Variants in B3GNT4 observed in about 807,000 individuals in gnomAD.
B3GNT4 encodes the protein UDP-GlcNAc:betaGal beta-1,3-N-acetylglucosaminyltransferase 4.
In B3GNT4, 2 loss-of-function variants were observed where a neutral mutation model predicts 2.7. The observed-to-expected ratio is 0.73, with a 90% CI of 0.30 to 2.31. The LOEUF (loss-of-function observed/expected upper bound fraction) is 2.31, where lower values mean the gene tolerates loss of function less well. B3GNT4 is among the 30% of genes most tolerant of loss of function. The pLI is 0.12. For synonymous variants in B3GNT4, 280 were observed against 203.4 expected, an observed-to-expected ratio of 1.38 and a Z score of -3.20; for missense variants, 708 against 490.9, an observed-to-expected ratio of 1.44 and a Z score of -4.18.
In B3GNT4 at chr12:122,206,442, C is replaced by G; in HGVS notation, c.191C>G (p.Pro64Arg). ...GCAGGAGACCCCACGGCCCACCAGCCTTTCTGGGCTCCCCCAACACCCCGT... is the reference window on the plus strand; with the variant it reads ...GCAGGAGACCCCACGGCCCACCAGCGTTTCTGGGCTCCCCCAACACCCCGT... ...KPAGDPTAHQPFWAPPTPRHS... is the reference protein window; with the variant it reads ...KPAGDPTAHQRFWAPPTPRHS... The change falls in exon 3 of 3, where the codon CCT (proline) becomes CGT (arginine). Residue 64 changes from proline to arginine, a missense_variant. Transcript: ENST00000324189. The G allele has an allele frequency of 6.2e-7, 1 of 1,614,148 alleles. No individual in the cohort carries two copies. The highest frequency in any genetic ancestry group is 8.5e-7 in the Non-Finnish European group (1 of 1,180,010).
Position 122,207,346 on chromosome 12 carries a change from T to C in B3GNT4, c.1095T>C (p.Asp365=), listed in dbSNP as rs1276792509. The C allele has an allele frequency of 6.2e-7, 1 of 1,602,378 alleles. No individual in the cohort carries two copies. ...EMWTMWALVT[D]EGLKCAAGPI... The stretch of plus-strand genomic sequence containing the variant: ...GGACCATGTGGGCACTGGTGACAGA[T>C]GAGGGGCTCAAGTGTGCAGCTGGCC... The change falls in exon 3 of 3, where the codon GAT becomes GAC. Residue 365 remains aspartate (D), a synonymous_variant. Coordinates refer to ENST00000324189, the MANE Select transcript of B3GNT4 (RefSeq NM_030765.4).
chr12:122,208,352 T>G lies in B3GNT4; in HGVS notation c.*964T>G. ...ATCTGCCCCTGCTTTCCCCACTGAG[T>G]GGGGAGACAGGGCAGTGTGCTCAGG... On this transcript the variant is annotated 3_prime_UTR_variant, in exon 3 of 3. Coordinates refer to ENST00000324189, the MANE Select transcript of B3GNT4 (RefSeq NM_030765.4). 2 of 1,609,762 alleles carry G rather than the reference T, an allele frequency of 1.2e-6. No individual in the cohort carries two copies. Among genetic ancestry groups the G allele is most frequent in the South Asian group, 1.1e-5 (1 of 90,968 alleles).
chr12:122,208,247 G>T lies in B3GNT4; in HGVS notation c.*859G>T. Reference sequence around the variant, plus strand: ...GGAGGCACTCACAGCTCACAAAGGCGTCTCGCCTGATTGGCCAGGGCAGGA... The same window carrying T: ...GGAGGCACTCACAGCTCACAAAGGCTTCTCGCCTGATTGGCCAGGGCAGGA... On this transcript the variant is annotated 3_prime_UTR_variant, in exon 3 of 3. Transcript: ENST00000324189. 1.9e-6 allele frequency: 2 copies of T among 1,048,750 alleles called. No homozygotes were observed. The highest frequency in any genetic ancestry group is 2.9e-6 in the Non-Finnish European group (2 of 697,912). The allele number at this position is 1,048,750 out of a possible 1,614,324, so 65.0% of individuals were successfully genotyped here.
chr12:122,208,573 T>C lies in B3GNT4; in HGVS notation c.*1185T>C, dbSNP rs1953995239. 6.2e-7 allele frequency: 1 copy of C among 1,612,270 alleles called. No homozygotes were observed. The highest frequency in any genetic ancestry group is 8.5e-7 in the Non-Finnish European group (1 of 1,180,006). On this transcript the variant is annotated 3_prime_UTR_variant, in exon 3 of 3. Transcript: ENST00000324189. Reference sequence around the variant, plus strand: ...TCCTGGCGGTTATAGAGGCCTGATCTGCGCCTGCCAAAAGATGGGACAATC... The same window carrying C: ...TCCTGGCGGTTATAGAGGCCTGATCCGCGCCTGCCAAAAGATGGGACAATC...
Position 122,203,717 on chromosome 12 carries a change from G to C in B3GNT4, c.-182G>C. On this transcript the variant is annotated 5_prime_UTR_variant, in exon 1 of 3. Coordinates refer to ENST00000324189, the MANE Select transcript of B3GNT4 (RefSeq NM_030765.4). ...CTCCAGAAGCCCCGCCCACTCCCGA[G>C]CCCCGAGAGCTCCGCGCACCTGGGC... The C allele has an allele frequency of 3.4e-6, 1 of 294,244 alleles. No homozygotes were observed. Among genetic ancestry groups the C allele is most frequent in the Non-Finnish European group, 6.2e-6 (1 of 160,788 alleles). 18.2% of individuals were successfully genotyped at this position (294,244 alleles called of 1,614,324 possible). A position where few individuals can be genotyped will look rare whatever the true frequency, so the allele number is the denominator to read the frequency against.
chr12:122,207,058 C>T lies in B3GNT4; in HGVS notation c.807C>T (p.Ala269=), dbSNP rs947010499. 7 of 1,613,800 alleles carry T rather than the reference C, an allele frequency of 4.3e-6. No homozygotes were observed. Among genetic ancestry groups the T allele is most frequent in the Non-Finnish European group, 5.9e-6 (7 of 1,179,930 alleles). ...KYFIPPSMYR[A]THYPPYAGGG... ...TCATCCCACCCTCAATGTACAGGGC[C>T]ACCCACTACCCACCCTATGCTGGTG... The change falls in exon 3 of 3, where the codon GCC becomes GCT. Residue 269 remains alanine (A), a synonymous_variant. Coordinates refer to ENST00000324189, the MANE Select transcript of B3GNT4 (RefSeq NM_030765.4).
chr12:122,208,267 G>T lies in B3GNT4; in HGVS notation c.*879G>T. The T allele has an allele frequency of 7.8e-7, 1 of 1,276,252 alleles. No individual in the cohort carries two copies. The highest frequency in any genetic ancestry group is 1.1e-6 in the Non-Finnish European group (1 of 894,784). 79.1% of individuals were successfully genotyped at this position (1,276,252 alleles called of 1,614,324 possible). A position where few individuals can be genotyped will look rare whatever the true frequency, so the allele number is the denominator to read the frequency against. On this transcript the variant is annotated 3_prime_UTR_variant, in exon 3 of 3. Coordinates refer to ENST00000324189, the MANE Select transcript of B3GNT4 (RefSeq NM_030765.4). ...AAGGCGTCTCGCCTGATTGGCCAGG[G>T]CAGGATCTGCCGCCTCTTCTCGGTG...
chr12:122,208,914 CAA>C lies in B3GNT4; in HGVS notation c.*1528_*1529del, dbSNP rs1032269722. 5 of 388,596 alleles carry C rather than the reference CAA, an allele frequency of 1.3e-5. No individual in the cohort carries two copies. Among genetic ancestry groups the C allele is most frequent in the Middle Eastern group, 1.4e-3 (2 of 1,388 alleles). The allele number at this position is 388,596 out of a possible 1,614,324, so 24.1% of individuals were successfully genotyped here. ...CTACACATCTTCCATTTCTTTTTGA[CAA>C]AGAGATCATGAATAAAATTGTCAAA... On this transcript the variant is annotated 3_prime_UTR_variant, in exon 3 of 3. Transcript: ENST00000324189.
chr12:122,208,798 G>A lies in B3GNT4; in HGVS notation c.*1410G>A, dbSNP rs1378524404. 1 of 654,208 alleles carries A rather than the reference G, an allele frequency of 1.5e-6. No homozygotes were observed. The highest frequency in any genetic ancestry group is 2.8e-6 in the Non-Finnish European group (1 of 354,622). 40.5% of individuals were successfully genotyped at this position (654,208 alleles called of 1,614,324 possible). On this transcript the variant is annotated 3_prime_UTR_variant, in exon 3 of 3. Coordinates refer to ENST00000324189, the MANE Select transcript of B3GNT4 (RefSeq NM_030765.4). ...AAACAGCATTTTTCTTCAGCTGTCA[G>A]CGGCCAACATCACAATTATTAAATG... is the stretch of plus-strand genomic sequence containing the variant.
rs1313251652 is a variant in B3GNT4 at position 122,208,472 on chromosome 12, T to G, written c.*1084T>G. Reference sequence around the variant, plus strand: ...CTGACGGAGCTCTTCTATCTGTGCTTCTGCCAGCTTGGTTTCTGCTTTCCG... The same window carrying G: ...CTGACGGAGCTCTTCTATCTGTGCTGCTGCCAGCTTGGTTTCTGCTTTCCG... On this transcript the variant is annotated 3_prime_UTR_variant, in exon 3 of 3. Transcript: ENST00000324189. The G allele has an allele frequency of 1.2e-6, 2 of 1,614,192 alleles. No individual in the cohort carries two copies. Among genetic ancestry groups the G allele is most frequent in the East Asian group, 4.5e-5 (2 of 44,886 alleles).
intron 2 of B3GNT4, chr12:122,205,271 C>T (rs1254005697): frequency 6.5e-6 from 1 of 153,290 alleles, no homozygotes; most frequent in African/African-American, 2.4e-5. Context: ...GATCCGTCCT[C>T]CGCGTCAGCC....
chr12:122,208,579 T>A lies in B3GNT4; in HGVS notation c.*1191T>A. On this transcript the variant is annotated 3_prime_UTR_variant, in exon 3 of 3. Coordinates refer to ENST00000324189, the MANE Select transcript of B3GNT4 (RefSeq NM_030765.4). ...CGGTTATAGAGGCCTGATCTGCGCC[T>A]GCCAAAAGATGGGACAATCGGGTTG... 1 of 1,611,812 alleles carries A rather than the reference T, an allele frequency of 6.2e-7. No homozygotes were observed. The highest frequency in any genetic ancestry group is 8.5e-7 in the Non-Finnish European group (1 of 1,179,966).
rs775913823 is a variant in B3GNT4 at position 122,207,311 on chromosome 12, C to A, written c.1060C>A (p.Leu354Ile). The A allele has an allele frequency of 6.2e-7, 1 of 1,612,710 alleles. No homozygotes were observed. The highest frequency in any genetic ancestry group is 1.3e-5 in the African/African-American group (1 of 75,014). Residue 354 changes from leucine to isoleucine, a missense_variant, in exon 3 of 3, where the codon CTC (leucine) becomes ATC (isoleucine). Transcript: ENST00000324189. ...CCTGCTGGTTCACCGCCTCAGCCCC[C>A]TCGAGATGTGGACCATGTGGGCACT... ...GLLLVHRLSP[L>I]EMWTMWALVT...
In B3GNT4 at chr12:122,206,928, CCAA is replaced by C; in HGVS notation, c.679_681del (p.Asn227del). 6.2e-7 allele frequency: 1 copy of C among 1,614,102 alleles called. No individual in the cohort carries two copies. Among genetic ancestry groups the C allele is most frequent in the Non-Finnish European group, 8.5e-7 (1 of 1,180,022 alleles). ...GATGACGATGTCTTTGTCCACGTCC[CCAA>C]CGTGTTAGAGTTCCTGGATGGCTGG... On this transcript the variant is annotated inframe_deletion, in exon 3 of 3. Coordinates refer to ENST00000324189, the MANE Select transcript of B3GNT4 (RefSeq NM_030765.4).
rs1953966057 is a variant in B3GNT4 at position 122,207,959 on chromosome 12, CCT to C, written c.*572_*573del. On this transcript the variant is annotated 3_prime_UTR_variant, in exon 3 of 3. Coordinates refer to ENST00000324189, the MANE Select transcript of B3GNT4 (RefSeq NM_030765.4). ...TACAAACTGGACAGGTTCCCCTCCCCCTGCCACAACTGGCATCCCAACAGAGG... is the reference window on the plus strand; with the variant it reads ...TACAAACTGGACAGGTTCCCCTCCCCGCCACAACTGGCATCCCAACAGAGG... The C allele has an allele frequency of 2.1e-6, 1 of 466,516 alleles. No individual in the cohort carries two copies. The highest frequency in any genetic ancestry group is 4.2e-6 in the Non-Finnish European group (1 of 235,672). The allele number at this position is 466,516 out of a possible 1,614,324, so 28.9% of individuals were successfully genotyped here. A position where few individuals can be genotyped will look rare whatever the true frequency, so the allele number is the denominator to read the frequency against.
At position 122,206,828 on chromosome 12, in the gene B3GNT4, C is replaced by A. The variant is rs1269125031; in HGVS notation, c.577C>A (p.Leu193Met). 2 of 1,613,182 alleles carry A rather than the reference C, an allele frequency of 1.2e-6. No homozygotes were observed. The highest frequency in any genetic ancestry group is 2.2e-5 in the South Asian group (2 of 91,008). ...QWDFTEDFFN[L>M]TLKELHLQRW... The stretch of plus-strand genomic sequence containing the variant: ...GGACTTCACTGAGGACTTCTTCAAC[C>A]TGACGCTCAAGGAGCTGCACCTGCA... The change falls in exon 3 of 3, where the codon CTG becomes ATG. Residue 193 changes from leucine to methionine, a missense_variant. By Grantham distance (15) the Leu-to-Met change is conservative (BLOSUM62 2). Transcript: ENST00000324189.
Position 122,204,575 on chromosome 12 carries a change from C to CCGA in B3GNT4, c.-42_-41insACG. Reference sequence around the variant, plus strand: ...TCTCGCTTCGACCCCGCCGCCGCCGCCGCCCGGCATCCTGAGCACGGAGAC... The same window carrying CCGA: ...TCTCGCTTCGACCCCGCCGCCGCCGCCGACGCCCGGCATCCTGAGCACGGAGAC... On this transcript the variant is annotated 5_prime_UTR_variant, in exon 2 of 3. Coordinates refer to ENST00000324189, the MANE Select transcript of B3GNT4 (RefSeq NM_030765.4). 6.4e-7 allele frequency: 1 copy of CCGA among 1,560,450 alleles called. No homozygotes were observed. Among genetic ancestry groups the CCGA allele is most frequent in the Non-Finnish European group, 8.8e-7 (1 of 1,135,684 alleles).
Position 122,207,517 on chromosome 12 carries a change from G to A in B3GNT4, c.*129G>A, listed in dbSNP as rs749225939. On this transcript the variant is annotated 3_prime_UTR_variant, in exon 3 of 3. Transcript: ENST00000324189. ...TAACTCCTCTCACCCTGTTAGCTCT[G>A]ATTAAAAACACTGCAACCCAGCTAA... The A allele has an allele frequency of 4.6e-6, 4 of 872,248 alleles. No homozygotes were observed. Among genetic ancestry groups the A allele is most frequent in the Non-Finnish European group, 6.8e-6 (4 of 585,452 alleles). The allele number at this position is 872,248 out of a possible 1,614,324, so 54.0% of individuals were successfully genotyped here. A position where few individuals can be genotyped will look rare whatever the true frequency, so the allele number is the denominator to read the frequency against.
chr12:122,206,730 G>A lies in B3GNT4; in HGVS notation c.479G>A (p.Gly160Glu). The A allele has an allele frequency of 6.2e-7, 1 of 1,608,002 alleles. No individual in the cohort carries two copies. Among genetic ancestry groups the A allele is most frequent in the Non-Finnish European group, 8.5e-7 (1 of 1,176,532 alleles). The change falls in exon 3 of 3, where the codon GGG becomes GAG. Residue 160 changes from glycine to glutamate, a missense_variant. Coordinates refer to ENST00000324189, the MANE Select transcript of B3GNT4 (RefSeq NM_030765.4). ...GRQLKLVFLL[G>E]VAGSAPPAQL... ...CAGCTGAAGCTGGTGTTCCTCCTAG[G>A]GGTGGCAGGATCCGCTCCCCCAGCC...
Sources: allele counts gnomAD v4.1 joint callset, GRCh38; gene constraint gnomAD v4.1.1; transcripts MANE v1.5; gene names NCBI Gene and HGNC (gene_info 2026-07-23, HGNC 2026-07-21).